RCL1: variants seen among roughly 807,000 people sequenced by gnomAD.
The protein encoded by RCL1 is RNA terminal phosphate cyclase like 1.
Under a neutral mutation model 42.4 loss-of-function variants are expected in RCL1, and 24 were observed. The observed-to-expected ratio is 0.57, with a 90% CI of 0.41 to 0.80. The LOEUF is 0.80. Ranked by LOEUF, RCL1 falls within the 30% of genes least tolerant of loss-of-function variation. RCL1 has a pLI of 0.00. For synonymous variants in RCL1, 228 were observed against 177.3 expected (o/e 1.29, Z -2.27); for missense variants, 578 against 467.9 (o/e 1.24, Z -2.17).
rs142546352 is a variant in RCL1 at position 4,797,416 on chromosome 9, TG to T, written c.136+4191del. On this transcript the variant is annotated intron_variant, in intron 1 of 8. Coordinates refer to ENST00000381750, the MANE Select transcript of RCL1 (RefSeq NM_005772.5). The stretch of plus-strand genomic sequence containing the variant: ...CCTTCTGTAAAGTTCTTCTCCTAGG[TG>T]GTTGTTTCCACGTATTTCTATGTTA... 4.3e-3 allele frequency among the ~76,000 whole-genome samples: 650 copies of T among 152,318 alleles called. 8 individuals carry two copies. The highest frequency in any genetic ancestry group is 0.015 in the African/African-American group (626 of 41,556).
intron 8 of RCL1, 37 bp downstream of exon 8, chr9:4,849,587 G>T: frequency 6.6e-7 from 1 of 1,512,652 alleles, no homozygotes; most frequent in Non-Finnish European, 9.2e-7. Context: ...ATTCTGTCCA[G>T]TGTAATTTTC....
chr9:4,856,653 C>G (rs1000045818), intron 8 of RCL1, among the ~76,000 whole-genome samples: 5 of 152,004 alleles, frequency 3.3e-5, no homozygotes, highest in Non-Finnish European at 5.9e-5. Flanking sequence ...TGGGAAAGAT[C>G]GTTTGGGGTA....
In RCL1 at chr9:4,834,390, C is replaced by G. The variant is rs191272144; in HGVS notation, c.584+125C>G. On this transcript the variant is annotated intron_variant, in intron 5 of 8. Transcript: ENST00000381750. Reference sequence around the variant, plus strand: ...ATTTTAGACTACAACTTTGAAAAGTCTTAACAGTGAAATTGTAATTGCTGG... The same window carrying G: ...ATTTTAGACTACAACTTTGAAAAGTGTTAACAGTGAAATTGTAATTGCTGG... The G allele has an allele frequency of 1.2e-4, 134 of 1,133,734 alleles. No individual in the cohort carries two copies. In the East Asian group the frequency reaches 2.7e-3, roughly 23 times the overall value. The allele number at this position is 1,133,734 out of a possible 1,614,324, so 70.2% of individuals were successfully genotyped here.
chr9:4,805,585 T>C (rs1004655470), intron 1 of RCL1, among the ~76,000 whole-genome samples: 1 of 152,292 alleles, frequency 6.6e-6, no homozygotes, highest in East Asian at 1.9e-4. Flanking sequence ...GTAGGTCAAG[T>C]GGCCAGCCTG....
At position 4,827,033 on chromosome 9, in the gene RCL1, A is replaced by C. The variant is rs1279883609; in HGVS notation, c.384A>C (p.Ser128=). 6.2e-7 allele frequency: 1 copy of C among 1,614,232 alleles called. No homozygotes were observed. The highest frequency in any genetic ancestry group is 1.1e-5 in the South Asian group (1 of 91,088). ...TGACCAATGATCAGGTTGACCCTTC[A>C]GTGAGTATTGAGAACAAACCGTGGT... ...RGVTNDQVDP[S]VDVLKATALP... The change falls in exon 3 of 9, where the codon TCA becomes TCC. Residue 128 remains serine, a splice_region_variant and synonymous_variant. Coordinates refer to ENST00000381750, the MANE Select transcript of RCL1 (RefSeq NM_005772.5).
intron 1 of RCL1, among the ~76,000 whole-genome samples, chr9:4,798,485 C>T (rs1456593188): frequency 2.6e-5 from 4 of 152,218 alleles, no homozygotes; most frequent in Admixed American, 6.5e-5. Context: ...TGGGGGAGTG[C>T]TCCATATGGC....
chr9:4,808,019 G>A (rs1219990878), intron 1 of RCL1, among the ~76,000 whole-genome samples: 2 of 151,998 alleles, frequency 1.3e-5, no homozygotes, highest in African/African-American at 4.8e-5. Context: ...ACAAATATAT[G>A]TTCTTCTCTT....
In RCL1 at chr9:4,826,900, C is replaced by T; in HGVS notation, c.251C>T (p.Ser84Phe). The part of the protein sequence containing the change: ...YYQPGLLYGG[S>F]VEHDCSVLRG... ...CAGCCTGGCCTCCTGTATGGTGGAT[C>T]TGTGGAACATGACTGTAGCGTCCTT... Residue 84 changes from serine to phenylalanine, a missense_variant, in exon 3 of 9, where the codon TCT (serine) becomes TTT (phenylalanine). Transcript: ENST00000381750. 1 of 1,614,102 alleles carries T rather than the reference C, an allele frequency of 6.2e-7. No individual in the cohort carries two copies. The highest frequency in any genetic ancestry group is 8.5e-7 in the Non-Finnish European group (1 of 1,179,990).
At chr9:4,806,578 T>C (rs1815976584) in intron 1 of RCL1, among the ~76,000 whole-genome samples, 1 of 137,188 alleles carries the variant, frequency 7.3e-6, no homozygotes. Context: ...GAATAGATTC[T>C]ACTTGATCTA....
Position 4,793,178 on chromosome 9 carries a change from C to G in RCL1, c.87C>G (p.Pro29=). The G allele has an allele frequency of 1.9e-6, 3 of 1,610,418 alleles. No homozygotes were observed. The highest frequency in any genetic ancestry group is 1.7e-6 in the Non-Finnish European group (2 of 1,178,502). ...TCCTGTCTACCCTGAGCGGGCGCCC[C>G]GTCAAAATCCGAAAGATTCGGGCCA... is the stretch of plus-strand genomic sequence containing the variant. ...RLVLSTLSGR[P]VKIRKIRARD... Residue 29 remains proline (P), a synonymous_variant, in exon 1 of 9, where the codon CCC becomes CCG. Transcript: ENST00000381750.
chr9:4,841,242 C>G lies in RCL1; in HGVS notation c.595C>G (p.Arg199Gly), dbSNP rs746671811. ...KRIRGMAYSV[R>G]VSPQMANRIV... ...AACTCCAGGCTGCAGGTACTCTGTA[C>G]GTGTGTCACCTCAGATGGCGAACCG... is the stretch of plus-strand genomic sequence containing the variant. The change falls in exon 6 of 9, where the codon CGT becomes GGT. Residue 199 changes from arginine to glycine, a missense_variant. By Grantham distance (125) the Arg-to-Gly change is moderately radical. Coordinates refer to ENST00000381750, the MANE Select transcript of RCL1 (RefSeq NM_005772.5). The G allele has an allele frequency of 1.2e-6, 2 of 1,613,842 alleles. No individual in the cohort carries two copies. The highest frequency in any genetic ancestry group is 1.1e-5 in the South Asian group (1 of 91,078).
chr9:4,821,438 T>G (rs1816593338), intron 1 of RCL1, among the ~76,000 whole-genome samples: 1 of 152,202 alleles, frequency 6.6e-6, no homozygotes, highest in African/African-American at 2.4e-5. Context: ...AAATGGCATC[T>G]TAATCCATTT....
intron 7 of RCL1, among the ~76,000 whole-genome samples, chr9:4,847,371 T>G (rs1262857042): frequency 6.6e-6 from 1 of 152,186 alleles, no homozygotes; most frequent in African/African-American, 2.4e-5. Context: ...ATTGAATGAG[T>G]GGTAAAAAAT....
intron 7 of RCL1, among the ~76,000 whole-genome samples, chr9:4,847,755 A>G (rs1053080467): frequency 6.6e-6 from 1 of 152,230 alleles, no homozygotes. Flanking sequence ...TAATTGGGCT[A>G]CCCACCTTCT....
At chr9:4,819,456 C>T (rs1045629907) in intron 1 of RCL1, among the ~76,000 whole-genome samples, 2 of 152,090 alleles carry the variant, frequency 1.3e-5, no homozygotes, top group African/African-American at 4.8e-5. Context: ...AATATATGTA[C>T]ATATATGTAC....
rs1028825428 is a variant in RCL1, at chr9:4,801,372, A to T, written c.136+8145A>T. Among the ~76,000 whole-genome samples, 5 of 152,032 alleles carry T rather than the reference A, an allele frequency of 3.3e-5. No individual in the cohort carries two copies. In the South Asian group the frequency reaches 8.3e-4, roughly 25 times the overall value. On this transcript the variant is annotated intron_variant, in intron 1 of 8. Transcript: ENST00000381750. ...CTTTTTGTAGAGATGGAGTCTCGCT[A>T]TGTTGTCCAGGCTGGTCTTGAATTT... is the stretch of plus-strand genomic sequence containing the variant.
intron 3 of RCL1, among the ~76,000 whole-genome samples, chr9:4,830,389 G>C (rs1482825020): frequency 6.6e-6 from 1 of 152,184 alleles, no homozygotes; most frequent in East Asian, 1.9e-4. Context: ...GAGGGTCCTT[G>C]CCGAAGTCCA....
intron 1 of RCL1, among the ~76,000 whole-genome samples, chr9:4,806,862 C>A (rs142003780): frequency 6.2e-4 from 95 of 152,186 alleles, no homozygotes; most frequent in African/African-American, 2.1e-3. Context: ...GGCAGAATTT[C>A]ATATGGGCCA....
intron 2 of RCL1, among the ~76,000 whole-genome samples, chr9:4,825,821 C>T (rs1048115032): frequency 6.6e-6 from 1 of 151,840 alleles, no homozygotes; most frequent in East Asian, 1.9e-4. Context: ...GAGTAAGAAG[C>T]TTTTTGGATA....
Sources: allele counts gnomAD v4.1 joint callset (sites outside exome capture counted in the v4.1 genomes callset), GRCh38; gene constraint gnomAD v4.1.1; transcripts MANE v1.5; gene names NCBI Gene and HGNC (gene_info 2026-07-23, HGNC 2026-07-21).